Variants in TBC1D22A observed in about 807,000 individuals in gnomAD.
TBC1D22A encodes putative GTPase activator.
TBC1D22A carries 38 observed loss-of-function variants against 60.2 expected under a neutral mutation model. The ratio of observed to expected loss-of-function variants is 0.63; its 90% CI spans 0.49 to 0.83. The LOEUF is 0.83. TBC1D22A is among the 40% of genes least tolerant of loss of function. The pLI is 0.00. For missense variants in TBC1D22A, 628 were observed against 701.0 expected, an observed-to-expected ratio of 0.90 and a Z score of 1.18; for synonymous variants, 302 against 281.7, an observed-to-expected ratio of 1.07 and a Z score of -0.72.
chr22:46,792,738 T>A, intron 2 of TBC1D22A, 162 bp downstream of exon 2: 1 of 1,518,992 alleles, frequency 6.6e-7, no homozygotes, highest in Non-Finnish European at 8.8e-7. Flanking sequence ...TGTGAGATAC[T>A]GTGCACCCCG....
At chr22:47,002,461 A>T (rs1254720974) in intron 10 of TBC1D22A, among the ~76,000 whole-genome samples, 1 of 152,268 alleles carries the variant, frequency 6.6e-6, no homozygotes, top group Non-Finnish European at 1.5e-5. Context: ...TTTGTGACAT[A>T]GATGACGTCT....
intron 3 of TBC1D22A, 122 bp downstream of exon 3, chr22:46,793,963 C>T: frequency 1.1e-6 from 1 of 923,886 alleles, no homozygotes; most frequent in African/African-American, 1.7e-5. Context: ...GCCCCCTGGC[C>T]CACGAGAGCC....
intron 11 of TBC1D22A, among the ~76,000 whole-genome samples, chr22:47,088,967 G>T (rs2064808807): frequency 6.6e-6 from 1 of 152,166 alleles, no homozygotes; most frequent in Non-Finnish European, 1.5e-5. Context: ...AGGGAAGGGG[G>T]AAACGGATGG....
intron 11 of TBC1D22A, among the ~76,000 whole-genome samples, chr22:47,055,896 G>GGTGAGATACGCCACTGAGGGTCA (rs538430541): frequency 0.26 from 38,996 of 149,610 alleles, 5,805 homozygotes; most frequent in East Asian, 0.57. Flanking sequence ...ACTGAGGGTC[G>GGTGAGATACGCCACTGAGGGTCA]GTGAGATACG....
intron 11 of TBC1D22A, among the ~76,000 whole-genome samples, chr22:47,093,572 G>A (rs530771943): frequency 6.6e-6 from 1 of 152,204 alleles, no homozygotes; most frequent in East Asian, 1.9e-4. Flanking sequence ...GCTTCCCAGT[G>A]CATGTTGATT....
chr22:46,891,321 A>T lies in TBC1D22A; in HGVS notation c.764A>T (p.Lys255Ile), dbSNP rs2068395353. 6.2e-7 allele frequency: 1 copy of T among 1,613,644 alleles called. No homozygotes were observed. The change falls in exon 6 of 13, where the codon AAA (lysine) becomes ATA (isoleucine). Residue 255 changes from lysine (K) to isoleucine (I), a missense_variant. Lys to Ile is a moderately radical substitution (Grantham distance 102, BLOSUM62 -3). Coordinates refer to ENST00000337137, the MANE Select transcript of TBC1D22A (RefSeq NM_014346.5). ...RRPATLQRKQ[K>I]EYFAFIEHYY... The stretch of plus-strand genomic sequence containing the variant: ...CCAGCCACTCTCCAGAGAAAACAAA[A>T]AGAATATTTTGCATTTATTGAGCAC...
At chr22:46,812,814 C>T (rs1279964615) in intron 4 of TBC1D22A, among the ~76,000 whole-genome samples, 1 of 152,226 alleles carries the variant, frequency 6.6e-6, no homozygotes, top group African/African-American at 2.4e-5. Flanking sequence ...TCCTAATCCT[C>T]GTAAGCTTAA....
At chr22:46,937,007 G>A (rs2071694683) in intron 8 of TBC1D22A, among the ~76,000 whole-genome samples, 4 of 152,162 alleles carry the variant, frequency 2.6e-5, no homozygotes, top group Non-Finnish European at 4.4e-5. Flanking sequence ...GTGGGGGGCA[G>A]TGACAGATAG....
intron 3 of TBC1D22A, among the ~76,000 whole-genome samples, chr22:46,795,802 A>G (rs809031): frequency 0.72 from 109,898 of 152,124 alleles, 39,804 homozygotes; most frequent in Middle Eastern, 0.82. Flanking sequence ...TCCTGATGAA[A>G]CCACATCAGT....
chr22:46,826,081 C>G (rs982483730), intron 4 of TBC1D22A, among the ~76,000 whole-genome samples: 1 of 152,050 alleles, frequency 6.6e-6, no homozygotes, highest in African/African-American at 2.4e-5. Flanking sequence ...TGGGGTTTCA[C>G]CGTGTTAGCC....
chr22:47,085,669 C>T (rs553952514), intron 11 of TBC1D22A, among the ~76,000 whole-genome samples: 3 of 151,952 alleles, frequency 2.0e-5, no homozygotes, highest in African/African-American at 4.8e-5. Flanking sequence ...TGTCAGAAGT[C>T]GTCAAGATAA....
chr22:46,851,454 G>A (rs2087273927), intron 4 of TBC1D22A, among the ~76,000 whole-genome samples: 1 of 152,240 alleles, frequency 6.6e-6, no homozygotes, highest in South Asian at 2.1e-4. Flanking sequence ...CTGAGTGCCT[G>A]TGCCCGAGAG....
intron 12 of TBC1D22A, among the ~76,000 whole-genome samples, chr22:47,150,858 C>T (rs900999009): frequency 6.6e-6 from 1 of 152,214 alleles, no homozygotes; most frequent in African/African-American, 2.4e-5. Context: ...GACCTCCGCC[C>T]CCACCACCCT....
chr22:46,880,155 T>C (rs2067780710), intron 5 of TBC1D22A, among the ~76,000 whole-genome samples: 1 of 152,250 alleles, frequency 6.6e-6, no homozygotes, highest in Non-Finnish European at 1.5e-5. Context: ...CCTGACGACA[T>C]GTGCCCAAGG....
At chr22:46,782,196 A>G (rs1284846787) in intron 1 of TBC1D22A, among the ~76,000 whole-genome samples, 3 of 152,336 alleles carry the variant, frequency 2.0e-5, no homozygotes, top group African/African-American at 7.2e-5. Flanking sequence ...CTGGGACTAC[A>G]GGCGTGCACC....
chr22:46,973,771 C>T (rs953146791), intron 8 of TBC1D22A, among the ~76,000 whole-genome samples: 10 of 152,252 alleles, frequency 6.6e-5, no homozygotes, highest in Admixed American at 3.3e-4. Flanking sequence ...TTATTTAGAG[C>T]GCCATTGTCT....
intron 8 of TBC1D22A, among the ~76,000 whole-genome samples, chr22:46,938,679 G>A (rs1289825910): frequency 1.3e-5 from 2 of 150,728 alleles, no homozygotes; most frequent in African/African-American, 4.9e-5. Context: ...TCCACCTCCC[G>A]GGTTCAAGCA....
rs185225598 is a variant in TBC1D22A, at chr22:46,863,286, A to C, written c.638-15367A>C. Among the ~76,000 whole-genome samples the C allele has an allele frequency of 6.8e-4, 103 of 152,298 alleles. 1 individual carries two copies. The South Asian group carries it at 0.011, about 16-fold the overall frequency. On this transcript the variant is annotated intron_variant, in intron 4 of 12. Coordinates refer to ENST00000337137, the MANE Select transcript of TBC1D22A (RefSeq NM_014346.5). ...AGCTGGAGGCTTCATGGAGGAGATG[A>C]TGTTCCAAGGATGAGCAGGGCTTGC...
intron 12 of TBC1D22A, among the ~76,000 whole-genome samples, chr22:47,124,043 C>A (rs761414601): frequency 6.6e-6 from 1 of 152,280 alleles, no homozygotes; most frequent in East Asian, 1.9e-4. Context: ...GGGCACATGG[C>A]AGGTCCATGG....
Sources: gnomAD v4.1 joint callset for allele counts (sites outside exome capture counted in the v4.1 genomes callset) on GRCh38, gnomAD v4.1.1 for gene constraint, MANE v1.5 for transcripts, NCBI Gene and HGNC (gene_info 2026-07-23, HGNC 2026-07-21) for gene names.